The following PTCHD1 variants were observed in gnomAD, a reference collection of about 807,000 sequenced individuals.
PTCHD1 encodes patched domain-containing protein 1.
PTCHD1 carries 3 observed loss-of-function variants against 34.6 expected under a neutral mutation model. The ratio of observed to expected loss-of-function variants is 0.09; its 90% CI spans 0.04 to 0.22. The LOEUF is 0.22. PTCHD1 is among the 10% of genes least tolerant of loss of function. The pLI is 1.00. For missense variants in PTCHD1, 504 were observed against 685.5 expected, an observed-to-expected ratio of 0.74 and a Z score of 2.96; for synonymous variants, 305 against 283.1, an observed-to-expected ratio of 1.08 and a Z score of -0.77.
At chrX:23,351,322 T>C in intron 1 of PTCHD1, 1 of 856,044 alleles carries the variant, frequency 1.2e-6, no homozygotes, top group African/African-American at 2.0e-5. Context: ...TTTTGCTTCA[T>C]CATTTGCTGT....
chrX:23,354,793 G>T (rs966456211), intron 1 of PTCHD1, among the ~76,000 whole-genome samples: 16 of 108,899 alleles, frequency 1.5e-4, no homozygotes, highest in Non-Finnish European at 2.7e-4. Context: ...GGATGGTCTC[G>T]ATCTCTTGAC....
chrX:23,395,733 C>T lies in PTCHD1; in HGVS notation c.*1548C>T, dbSNP rs1307879133. The T allele has an allele frequency of 1.8e-5, 2 of 111,977 alleles. No homozygotes were observed. The highest frequency in any genetic ancestry group is 1.9e-4 in the Admixed American group (2 of 10,515). The allele number at this position is 111,977 out of a possible 1,213,427, so 9.2% of individuals were successfully genotyped here. A position where few individuals can be genotyped will look rare whatever the true frequency, so the allele number is the denominator to read the frequency against. On this transcript the variant is annotated 3_prime_UTR_variant, in exon 3 of 3. Transcript: ENST00000379361. Reference sequence around the variant, plus strand: ...AGCTAAAACCTGGTTACATTTGAAGCAAATATCTACAGTATTTTTCCCTTT... The same window carrying T: ...AGCTAAAACCTGGTTACATTTGAAGTAAATATCTACAGTATTTTTCCCTTT...
intron 1 of PTCHD1, among the ~76,000 whole-genome samples, chrX:23,361,137 T>A (rs1406079759): frequency 9.0e-6 from 1 of 111,414 alleles, no homozygotes; most frequent in Non-Finnish European, 1.9e-5. Context: ...TGATTTGGGG[T>A]GGAGAGTTCT....
Position 23,403,346 on chromosome X carries a change from A to G in PTCHD1, c.*9161A>G, listed in dbSNP as rs1405461380. 1 of 112,348 alleles carries G rather than the reference A, an allele frequency of 8.9e-6. No individual in the cohort carries two copies. The highest frequency in any genetic ancestry group is 2.8e-4 in the East Asian group (1 of 3,619). 9.3% of individuals were successfully genotyped at this position (112,348 alleles called of 1,213,427 possible). A position where few individuals can be genotyped will look rare whatever the true frequency, so the allele number is the denominator to read the frequency against. Reference sequence around the variant, plus strand: ...AACTAGGAAAAAGTATCCAAATGCTAGAGCACATAATGAGTTCAGCTTGGT... The same window carrying G: ...AACTAGGAAAAAGTATCCAAATGCTGGAGCACATAATGAGTTCAGCTTGGT... On this transcript the variant is annotated 3_prime_UTR_variant, in exon 3 of 3. Transcript: ENST00000379361.
Position 23,394,427 on chromosome X carries a change from C to CACACACACAT in PTCHD1, c.*251_*252insTACACACACA, listed in dbSNP as rs1922929389. 3 of 309,377 alleles carry CACACACACAT rather than the reference C, an allele frequency of 9.7e-6. No homozygotes were observed. The South Asian group carries it at 2.1e-4, about 22-fold the overall frequency. 25.5% of individuals were successfully genotyped at this position (309,377 alleles called of 1,213,427 possible). A position where few individuals can be genotyped will look rare whatever the true frequency, so the allele number is the denominator to read the frequency against. On this transcript the variant is annotated 3_prime_UTR_variant, in exon 3 of 3. Coordinates refer to ENST00000379361, the MANE Select transcript of PTCHD1 (RefSeq NM_173495.3). ...ACACATAGACACACACACACACACA[C>CACACACACAT]ACACACACACACACACACACACACC...
intron 1 of PTCHD1, among the ~76,000 whole-genome samples, chrX:23,375,285 TTC>T (rs1322882684): frequency 2.0e-5 from 2 of 97,933 alleles, no homozygotes; most frequent in African/African-American, 4.3e-5. Flanking sequence ...GGGCTGACAA[TTC>T]TTTTTTTTTT....
chrX:23,402,054 AGTG>A lies in PTCHD1; in HGVS notation c.*7873_*7875del, dbSNP rs1923136399. ...TGGTGATCCAGAGAAGGGGGAAAGA[AGTG>A]GTGAGGAAGAATATATGGGGTGATC... On this transcript the variant is annotated 3_prime_UTR_variant, in exon 3 of 3. Coordinates refer to ENST00000379361, the MANE Select transcript of PTCHD1 (RefSeq NM_173495.3). 8.9e-6 allele frequency: 1 copy of A among 112,219 alleles called. No homozygotes were observed. The highest frequency in any genetic ancestry group is 3.2e-5 in the African/African-American group (1 of 30,824). The allele number at this position is 112,219 out of a possible 1,213,427, so 9.2% of individuals were successfully genotyped here. A position where few individuals can be genotyped will look rare whatever the true frequency, so the allele number is the denominator to read the frequency against.
intron 1 of PTCHD1, among the ~76,000 whole-genome samples, chrX:23,376,465 A>G (rs1922416830): frequency 8.9e-6 from 1 of 112,286 alleles, no homozygotes; most frequent in South Asian, 3.7e-4. Flanking sequence ...TAGAACATCC[A>G]CTAATGTTTC....
intron 2 of PTCHD1, among the ~76,000 whole-genome samples, chrX:23,387,129 C>T (rs1367946056): frequency 8.0e-5 from 9 of 112,116 alleles, no homozygotes; most frequent in African/African-American, 2.9e-4. Context: ...CAAACAACAA[C>T]AAAAAAATCA....
chrX:23,352,732 A>G (rs1569134071), intron 1 of PTCHD1, among the ~76,000 whole-genome samples: 1 of 111,779 alleles, frequency 8.9e-6, no homozygotes, highest in South Asian at 3.8e-4. Context: ...CCTTAAACCC[A>G]TGGATTCTCA....
At chrX:23,361,373 T>C (rs902735758) in intron 1 of PTCHD1, among the ~76,000 whole-genome samples, 1 of 112,312 alleles carries the variant, frequency 8.9e-6, no homozygotes, top group African/African-American at 3.2e-5. Context: ...TTAGTTCTTC[T>C]TGTTGAATTG....
At chrX:23,381,159 G>A (rs1387179979) in intron 2 of PTCHD1, among the ~76,000 whole-genome samples, 1 of 112,457 alleles carries the variant, frequency 8.9e-6, no homozygotes, top group Non-Finnish European at 1.9e-5. Context: ...GAACTCAGGA[G>A]AATATTTTAA....
chrX:23,358,189 G>A (rs1271292078), intron 1 of PTCHD1, among the ~76,000 whole-genome samples: 1 of 111,697 alleles, frequency 9.0e-6, no homozygotes, highest in Non-Finnish European at 1.9e-5. Context: ...TGAGATCGCT[G>A]GATCAAAAGG....
At chrX:23,382,572 C>T (rs1024140034) in intron 2 of PTCHD1, among the ~76,000 whole-genome samples, 1 of 112,517 alleles carries the variant, frequency 8.9e-6, no homozygotes, top group African/African-American at 3.2e-5. Context: ...AATAGTAATG[C>T]CACAGATCCA....
intron 2 of PTCHD1, among the ~76,000 whole-genome samples, chrX:23,388,432 T>C (rs2146648315): frequency 1.8e-5 from 2 of 112,367 alleles, no homozygotes; most frequent in East Asian, 5.6e-4. Flanking sequence ...GAAACAACAG[T>C]CAGACCTCTG....
In PTCHD1 at chrX:23,394,053, A is replaced by G. The variant is rs1310794737; in HGVS notation, c.2535A>G (p.Ile845Met). ...ACTGCTTTGCCATTTTACCTGTGAT[A>G]CTGACTTTCCTGCCACCCTCTAAGA... ...FFHCFAILPV[I>M]LTFLPPSKKK... The change falls in exon 3 of 3, where the codon ATA becomes ATG. Residue 845 changes from isoleucine (I) to methionine (M), a missense_variant. Coordinates refer to ENST00000379361, the MANE Select transcript of PTCHD1 (RefSeq NM_173495.3). 1 of 1,210,061 alleles carries G rather than the reference A, an allele frequency of 8.3e-7. No individual in the cohort carries two copies. Among genetic ancestry groups the G allele is most frequent in the Non-Finnish European group, 1.1e-6 (1 of 894,663 alleles).
intron 1 of PTCHD1, among the ~76,000 whole-genome samples, chrX:23,369,145 T>C (rs1922218072): frequency 8.9e-6 from 1 of 112,381 alleles, no homozygotes; most frequent in African/African-American, 3.2e-5. Flanking sequence ...TTTTCACATC[T>C]GTTTTCTTCA....
Position 23,379,955 on chromosome X carries a change from T to A in PTCHD1, c.716T>A (p.Leu239Gln). 1.7e-6 allele frequency: 2 copies of A among 1,212,101 alleles called. No individual in the cohort carries two copies. Among genetic ancestry groups the A allele is most frequent in the Non-Finnish European group, 2.2e-6 (2 of 895,611 alleles). ...WESSFCDTVRLFQKSNSKVKM... is the reference protein window; with the variant it reads ...WESSFCDTVRQFQKSNSKVKM... Reference sequence around the variant, plus strand: ...TCCAGCTTCTGCGACACTGTCAGACTGTTTCAGAAATCCAACAGCAAAGTC... The same window carrying A: ...TCCAGCTTCTGCGACACTGTCAGACAGTTTCAGAAATCCAACAGCAAAGTC... Residue 239 changes from leucine to glutamine, a missense_variant, in exon 2 of 3, where the codon CTG becomes CAG. Coordinates refer to ENST00000379361, the MANE Select transcript of PTCHD1 (RefSeq NM_173495.3).
chrX:23,360,520 C>G (rs909278488), intron 1 of PTCHD1, among the ~76,000 whole-genome samples: 5 of 111,152 alleles, frequency 4.5e-5, no homozygotes, highest in Non-Finnish European at 9.4e-5. Flanking sequence ...TTTAATGTGT[C>G]TATTTGATTC....
Sources: allele counts gnomAD v4.1 joint callset (sites outside exome capture counted in the v4.1 genomes callset), GRCh38; gene constraint gnomAD v4.1.1; transcripts MANE v1.5; gene names NCBI Gene and HGNC (gene_info 2026-07-23, HGNC 2026-07-21).